The following USP10 variants were observed in gnomAD, a reference collection of about 807,000 sequenced individuals.
The protein encoded by USP10 is ubiquitin carboxyl-terminal hydrolase 10.
USP10 carries 22 observed loss-of-function variants against 84.5 expected under a neutral mutation model. The ratio of observed to expected loss-of-function variants is 0.26; its 90% CI spans 0.19 to 0.37. The LOEUF (loss-of-function observed/expected upper bound fraction) is 0.37. Among genes scored for constraint, USP10 ranks in the 10% least tolerant of loss-of-function variants. The pLI, the probability that USP10 is intolerant of heterozygous loss-of-function variation, is 1.00. For missense variants in USP10, 1,019 were observed against 998.9 expected, an observed-to-expected ratio of 1.02 and a Z score of -0.27; for synonymous variants, 454 against 387.6, an observed-to-expected ratio of 1.17 and a Z score of -2.01.
At chr16:84,748,170 A>G (rs2150828423) in intron 4 of USP10, among the ~76,000 whole-genome samples, 1 of 151,568 alleles carries the variant, frequency 6.6e-6, no homozygotes, top group East Asian at 1.9e-4. Flanking sequence ...AAAAAAAAAA[A>G]AAAAAAAGAT....
intron 2 of USP10, among the ~76,000 whole-genome samples, chr16:84,735,775 T>C (rs1377679520): frequency 3.3e-5 from 5 of 152,186 alleles, no homozygotes; most frequent in African/African-American, 1.2e-4. Context: ...GTTTTTCTTA[T>C]TTTTTAACAT....
intron 4 of USP10, among the ~76,000 whole-genome samples, chr16:84,754,962 A>C (rs1352851989): frequency 6.7e-6 from 1 of 149,800 alleles, no homozygotes; most frequent in Non-Finnish European, 1.5e-5. Flanking sequence ...CCAATGTGGC[A>C]AAACCCTGTC....
At chr16:84,704,362 A>T (rs951040371) in intron 1 of USP10, among the ~76,000 whole-genome samples, 1 of 152,246 alleles carries the variant, frequency 6.6e-6, no homozygotes, top group African/African-American at 2.4e-5. Context: ...TTACTGCCAC[A>T]CATGCAAGAA....
At chr16:84,760,655 A>C (rs1259327735) in intron 8 of USP10, among the ~76,000 whole-genome samples, 1 of 152,188 alleles carries the variant, frequency 6.6e-6, no homozygotes, top group African/African-American at 2.4e-5. Context: ...CAGTATTCAG[A>C]AGAGCTTATG....
At chr16:84,777,526 C>T (rs547036978) in intron 13 of USP10, among the ~76,000 whole-genome samples, 1 of 152,298 alleles carries the variant, frequency 6.6e-6, no homozygotes, top group South Asian at 2.1e-4. Context: ...AAGCTATGCC[C>T]TTGGATTGGC....
At chr16:84,762,810 C>G (rs538058732) in intron 8 of USP10, among the ~76,000 whole-genome samples, 179 bp from the exon 9 acceptor site, 2 of 152,168 alleles carry the variant, frequency 1.3e-5, no homozygotes, top group Non-Finnish European at 2.9e-5. Flanking sequence ...TCTCCTTTTC[C>G]TCCTACTCTT....
intron 1 of USP10, among the ~76,000 whole-genome samples, chr16:84,711,204 C>T (rs1906244184): frequency 6.6e-6 from 1 of 152,176 alleles, no homozygotes; most frequent in African/African-American, 2.4e-5. Context: ...AGTACTTGCT[C>T]TGTGCCAGGG....
At chr16:84,727,786 T>C (rs912859981) in intron 1 of USP10, among the ~76,000 whole-genome samples, 1 of 152,246 alleles carries the variant, frequency 6.6e-6, no homozygotes, top group African/African-American at 2.4e-5. Context: ...CCTAAATTCT[T>C]GAATGTGTAT....
intron 12 of USP10, 113 bp from the exon 13 acceptor site, chr16:84,775,047 C>G: frequency 1.1e-6 from 1 of 881,864 alleles, no homozygotes; most frequent in East Asian, 2.6e-5. Context: ...TTGTTTTGTT[C>G]CTGGTCTGAC....
At chr16:84,748,343 G>T (rs62050862) in intron 4 of USP10, among the ~76,000 whole-genome samples, 2 of 151,454 alleles carry the variant, frequency 1.3e-5, no homozygotes, top group African/African-American at 4.9e-5. Context: ...TCACTCTGTC[G>T]CCCAGGCCGG....
intron 1 of USP10, among the ~76,000 whole-genome samples, chr16:84,723,766 T>G (rs1908109370): frequency 6.6e-6 from 1 of 152,248 alleles, no homozygotes; most frequent in African/African-American, 2.4e-5. Context: ...TTCACCCATT[T>G]AAAGTGTATA....
At chr16:84,733,345 G>T in intron 1 of USP10, 90 bp from the exon 2 acceptor site, 1 of 1,019,460 alleles carries the variant, frequency 9.8e-7, no homozygotes, top group South Asian at 1.5e-5. Flanking sequence ...CCCAAATGTT[G>T]CATAGGATTG....
intron 8 of USP10, among the ~76,000 whole-genome samples, chr16:84,760,878 A>G (rs1913128468): frequency 6.6e-6 from 1 of 152,206 alleles, no homozygotes; most frequent in Non-Finnish European, 1.5e-5. Context: ...TTTGTGATGA[A>G]TCAGTACAAG....
intron 13 of USP10, among the ~76,000 whole-genome samples, chr16:84,777,893 C>T (rs952774675): frequency 7.2e-5 from 11 of 152,338 alleles, no homozygotes; most frequent in East Asian, 3.9e-4. Context: ...TCATTCCCCG[C>T]GGAATGCTGC....
chr16:84,751,864 T>G (rs1394838898), intron 4 of USP10, among the ~76,000 whole-genome samples: 1 of 152,186 alleles, frequency 6.6e-6, no homozygotes, highest in Non-Finnish European at 1.5e-5. Flanking sequence ...TAAGTCCTAA[T>G]TTTAGGAAAA....
At chr16:84,726,389 G>A (rs1035668803) in intron 1 of USP10, among the ~76,000 whole-genome samples, 22 of 152,192 alleles carry the variant, frequency 1.4e-4, no homozygotes, top group African/African-American at 5.1e-4. Flanking sequence ...ATTGCTGAGG[G>A]CAAGGTCTTT....
intron 1 of USP10, among the ~76,000 whole-genome samples, chr16:84,707,131 G>A (rs965374741): frequency 5.3e-5 from 8 of 152,168 alleles, no homozygotes; most frequent in African/African-American, 1.9e-4. Flanking sequence ...TTTAAAAGCA[G>A]GTGTTTTGAC....
At chr16:84,719,648 G>T (rs548374262) in intron 1 of USP10, among the ~76,000 whole-genome samples, 2 of 152,214 alleles carry the variant, frequency 1.3e-5, no homozygotes, top group Non-Finnish European at 2.9e-5. Flanking sequence ...ATAGGAAGCC[G>T]ATTGGGTGGA....
At chr16:84,751,778 G>C (rs559417521) in intron 4 of USP10, among the ~76,000 whole-genome samples, 2 of 152,156 alleles carry the variant, frequency 1.3e-5, no homozygotes, top group African/African-American at 4.8e-5. Flanking sequence ...TGTCGATTAC[G>C]GGCCAGTTAT....
Sources: gnomAD v4.1 joint callset for allele counts (sites outside exome capture counted in the v4.1 genomes callset) on GRCh38, gnomAD v4.1.1 for gene constraint, MANE v1.5 for transcripts, NCBI Gene and HGNC (gene_info 2026-07-23, HGNC 2026-07-21) for gene names.